Variants in ROBO2 observed in about 807,000 individuals in gnomAD.
ROBO2 encodes roundabout guidance receptor 2.
ROBO2 carries 53 observed loss-of-function variants against 160.8 expected under a neutral mutation model. That is an observed-to-expected ratio of 0.33 (90% confidence interval 0.26 to 0.41). The LOEUF is 0.41. ROBO2 is among the 10% of genes least tolerant of loss of function. The pLI is 1.00. For synonymous variants in ROBO2, 664 were observed against 611.7 expected (o/e 1.09, Z -1.26); for missense variants, 1,577 against 1,722.4 (o/e 0.92, Z 1.49).
chr3:76,177,596 T>G (rs1398518615), intron 2 of ROBO2, among the ~76,000 whole-genome samples: 1 of 152,196 alleles, frequency 6.6e-6, no homozygotes, highest in African/African-American at 2.4e-5. Context: ...TTCTTTTCTA[T>G]TTTTATTTTT....
chr3:77,124,393 A>T (rs1323688135), intron 2 of ROBO2, among the ~76,000 whole-genome samples: 1 of 152,100 alleles, frequency 6.6e-6, no homozygotes, highest in East Asian at 1.9e-4. Flanking sequence ...GACCCATGTG[A>T]TAGGAGTAGA....
At chr3:76,573,835 C>T (rs2085113028) in intron 2 of ROBO2, among the ~76,000 whole-genome samples, 1 of 152,080 alleles carries the variant, frequency 6.6e-6, no homozygotes, top group South Asian at 2.1e-4. Context: ...AACTCTTGCT[C>T]TCTTCACTGC....
At chr3:76,295,047 T>G (rs927180740) in intron 2 of ROBO2, among the ~76,000 whole-genome samples, 1 of 152,110 alleles carries the variant, frequency 6.6e-6, no homozygotes, top group Admixed American at 6.6e-5. Flanking sequence ...GGAGATGTTC[T>G]GTCAATAAGG....
chr3:76,951,006 G>A (rs2078922331), intron 2 of ROBO2, among the ~76,000 whole-genome samples: 1 of 152,168 alleles, frequency 6.6e-6, no homozygotes, highest in Non-Finnish European at 1.5e-5. Context: ...GGAATTACAG[G>A]CGTGAGCCCC....
rs546139670 is a variant in ROBO2, at chr3:77,027,993, C to T, written c.110-70021C>T. 5.3e-5 allele frequency among the ~76,000 whole-genome samples: 8 copies of T among 152,224 alleles called. 1 individual carries two copies. The highest frequency in any genetic ancestry group is 1.9e-4 in the African/African-American group (8 of 41,560). On this transcript the variant is annotated intron_variant, in intron 2 of 26. Transcript: ENST00000487694. ...ACATGGCTTTCTCTAGTTTTTGTTT[C>T]AGTGAAACCAAGCCTGTGGAATATT...
intron 2 of ROBO2, among the ~76,000 whole-genome samples, chr3:76,696,874 G>A (rs1193741791): frequency 6.6e-6 from 1 of 152,038 alleles, no homozygotes; most frequent in Non-Finnish European, 1.5e-5. Context: ...TTGTCTACAG[G>A]GCTGCTCCTC....
chr3:77,634,883 C>T (rs540323179), exon 24 of ROBO2: 1 of 1,613,946 alleles, frequency 6.2e-7, no homozygotes. Context: ...AAGCCTTTAC[C>T]TCCTCTCAAA....
chr3:76,092,471 G>A (rs2069274976), intron 2 of ROBO2, among the ~76,000 whole-genome samples: 1 of 152,098 alleles, frequency 6.6e-6, no homozygotes, highest in African/African-American at 2.4e-5. Flanking sequence ...CAAATTAACA[G>A]TAATGGCTAA....
At chr3:76,692,151 G>A (rs2092814967) in intron 2 of ROBO2, among the ~76,000 whole-genome samples, 1 of 152,088 alleles carries the variant, frequency 6.6e-6, no homozygotes, top group Non-Finnish European at 1.5e-5. Flanking sequence ...TAACAAGGTT[G>A]GGGGAATTAG....
chr3:77,429,873 G>A (rs1014409950), intron 2 of ROBO2, among the ~76,000 whole-genome samples: 3 of 152,026 alleles, frequency 2.0e-5, no homozygotes, highest in African/African-American at 4.8e-5. Context: ...CTTAGCTGCG[G>A]TGCTCACTAA....
intron 2 of ROBO2, among the ~76,000 whole-genome samples, chr3:77,202,164 G>T (rs994160361): frequency 6.6e-5 from 10 of 152,108 alleles, no homozygotes; most frequent in African/African-American, 2.4e-4. Flanking sequence ...TCAGAGGGAA[G>T]CCATCCAACT....
intron 2 of ROBO2, among the ~76,000 whole-genome samples, chr3:76,104,440 A>G (rs1018463030): frequency 6.6e-6 from 1 of 152,194 alleles, no homozygotes; most frequent in Non-Finnish European, 1.5e-5. Flanking sequence ...TTGGCCTCAA[A>G]TACCCTTGAA....
chr3:77,097,943 G>A lies in ROBO2; in HGVS notation c.62-71G>A, dbSNP rs1001442963. ...TCGAAGAGTTTAATTTCCCCATCAG[G>A]AACCCAAGTGAAACCGAGGGTTTAG... is the stretch of plus-strand genomic sequence containing the variant. On this transcript the variant is annotated intron_variant, in intron 1 of 25. Coordinates refer to ENST00000461745, the Ensembl canonical transcript of ROBO2. 5 of 1,314,266 alleles carry A rather than the reference G, an allele frequency of 3.8e-6. No individual in the cohort carries two copies. The Admixed American group carries it at 1.1e-4, about 30-fold the overall frequency. The allele number at this position is 1,314,266 out of a possible 1,614,324, so 81.4% of individuals were successfully genotyped here. A position where few individuals can be genotyped will look rare whatever the true frequency, so the allele number is the denominator to read the frequency against.
chr3:76,144,974 TA>T (rs373797519), intron 2 of ROBO2, among the ~76,000 whole-genome samples: 91 of 147,278 alleles, frequency 6.2e-4, no homozygotes, highest in African/African-American at 1.4e-3. Context: ...AGCTGTGGCT[TA>T]AAAAAAAAAG....
At chr3:76,477,558 T>C (rs1267112947) in intron 2 of ROBO2, among the ~76,000 whole-genome samples, 5 of 152,178 alleles carry the variant, frequency 3.3e-5, no homozygotes, top group Non-Finnish European at 5.9e-5. Context: ...AAAGCCATTA[T>C]ACCTCTAGTT....
chr3:77,155,151 G>C (rs2077893125), intron 2 of ROBO2, among the ~76,000 whole-genome samples: 4 of 152,076 alleles, frequency 2.6e-5, no homozygotes, highest in Non-Finnish European at 5.9e-5. Flanking sequence ...TTAGATGACT[G>C]TGGTATATAG....
chr3:76,790,753 T>C (rs1261908664), intron 2 of ROBO2, among the ~76,000 whole-genome samples: 1 of 151,676 alleles, frequency 6.6e-6, no homozygotes, highest in Admixed American at 6.6e-5. Context: ...ACCAAAAATG[T>C]TTATTACTAA....
At chr3:76,907,025 AT>A (rs148444218) in intron 2 of ROBO2, among the ~76,000 whole-genome samples, 19,499 of 151,562 alleles carry the variant, frequency 0.13, 1,529 homozygotes, top group Admixed American at 0.21. Context: ...AGAAGACAGC[AT>A]TTTTTTTTAT....
At chr3:77,116,442 A>T (rs1467750533) in intron 2 of ROBO2, among the ~76,000 whole-genome samples, 1 of 152,184 alleles carries the variant, frequency 6.6e-6, no homozygotes, top group African/African-American at 2.4e-5. Flanking sequence ...TTAGGGGCCC[A>T]GCAGCCTTTT....
Sources: allele counts gnomAD v4.1 joint callset (sites outside exome capture counted in the v4.1 genomes callset), GRCh38; gene constraint gnomAD v4.1.1; transcripts MANE v1.5; gene names NCBI Gene and HGNC (gene_info 2026-07-23, HGNC 2026-07-21).